MYOF: variants seen among roughly 807,000 people sequenced by gnomAD.
The protein encoded by MYOF is fer-1-like 3, myoferlin.
Under a neutral mutation model 284.2 loss-of-function variants are expected in MYOF, and 244 were observed. The ratio of observed to expected loss-of-function variants is 0.86; its 90% CI spans 0.77 to 0.95. The LOEUF is 0.95. Among genes scored for constraint, MYOF ranks in the 40% least tolerant of loss-of-function variants. The probability of loss-of-function intolerance (pLI) is 0.00; values close to 1 mark genes in which losing one functional copy is unlikely to be tolerated. For missense variants in MYOF, 2,496 were observed against 2,560.6 expected (o/e 0.97, Z 0.54); for synonymous variants, 904 against 919.7 (o/e 0.98, Z 0.31).
At chr10:93,330,171 C>T (rs1843236713) in intron 43 of MYOF, among the ~76,000 whole-genome samples, 1 of 152,178 alleles carries the variant, frequency 6.6e-6, no homozygotes, top group Non-Finnish European at 1.5e-5. Flanking sequence ...ATAATCCCTC[C>T]CATCAGTGTC....
Position 93,321,586 on chromosome 10 carries a change from G to A in MYOF, c.5456+1492C>T, listed in dbSNP as rs566269990. On this transcript the variant is annotated intron_variant, in intron 48 of 53. Coordinates refer to ENST00000359263, the MANE Select transcript of MYOF (RefSeq NM_013451.4). The stretch of plus-strand genomic sequence containing the variant: ...CTATTAACTTTTAAGGTAACTCACT[G>A]AGGAGAGTTCACATTCTCTTGGCCA... Among the ~76,000 whole-genome samples the A allele has an allele frequency of 2.0e-5, 3 of 151,970 alleles. No homozygotes were observed. The South Asian group carries it at 6.2e-4, about 32-fold the overall frequency.
chr10:93,407,565 C>T (rs917273412), intron 7 of MYOF, among the ~76,000 whole-genome samples: 3 of 146,010 alleles, frequency 2.1e-5, no homozygotes, highest in African/African-American at 7.5e-5. Context: ...CCCGTCTCTA[C>T]TAAAAATACA....
chr10:93,411,861 C>T (rs561317610), intron 5 of MYOF, among the ~76,000 whole-genome samples: 3 of 152,284 alleles, frequency 2.0e-5, no homozygotes, highest in African/African-American at 7.2e-5. Flanking sequence ...GACACCAGTG[C>T]TCATATACAT....
At chr10:93,407,735 C>T (rs1477237385) in intron 7 of MYOF, among the ~76,000 whole-genome samples, 2 of 36,912 alleles carry the variant, frequency 5.4e-5, no homozygotes, top group East Asian at 1.0e-3. Context: ...CAGACTCTGT[C>T]TCAAAAAAAA....
In MYOF at chr10:93,401,409, A is replaced by G; in HGVS notation, c.1117+9T>C. ...AACAATTCTGGGGCAAGATTAAATC[A>G]GTACATACTCTGGGGGATGTCCTCA... On this transcript the variant is annotated intron_variant, in intron 12 of 53. Coordinates refer to ENST00000359263, the MANE Select transcript of MYOF (RefSeq NM_013451.4). 1 of 1,612,842 alleles carries G rather than the reference A, an allele frequency of 6.2e-7. No homozygotes were observed. The highest frequency in any genetic ancestry group is 1.1e-5 in the South Asian group (1 of 90,582).
At chr10:93,405,893 C>G (rs556678273) in intron 7 of MYOF, among the ~76,000 whole-genome samples, 35 of 144,736 alleles carry the variant, frequency 2.4e-4, no homozygotes, top group African/African-American at 8.6e-4. Flanking sequence ...CGCCTCCAGG[C>G]TTTAAGCAAT....
intron 3 of MYOF, among the ~76,000 whole-genome samples, chr10:93,433,530 A>G (rs1348655297): frequency 6.6e-6 from 1 of 152,250 alleles, no homozygotes; most frequent in Non-Finnish European, 1.5e-5. Context: ...ACTAGCAGAT[A>G]ACATAGAAAA....
intron 39 of MYOF, among the ~76,000 whole-genome samples, chr10:93,339,734 G>T (rs1183326527): frequency 1.3e-5 from 2 of 152,168 alleles, no homozygotes; most frequent in East Asian, 3.9e-4. Flanking sequence ...CTCCCAAAGT[G>T]CTGGGATTAT....
chr10:93,361,994 G>C (rs1222331699), intron 27 of MYOF, among the ~76,000 whole-genome samples: 3 of 152,148 alleles, frequency 2.0e-5, no homozygotes, highest in Non-Finnish European at 4.4e-5. Flanking sequence ...TGTTGCCCAG[G>C]CTGGAGTGCA....
intron 52 of MYOF, 73 bp downstream of exon 52, chr10:93,310,461 A>G: frequency 6.8e-7 from 1 of 1,464,934 alleles, no homozygotes; most frequent in Non-Finnish European, 9.5e-7. Context: ...AATCCATCCC[A>G]TTAAGCCAAT....
chr10:93,360,090 TC>T, intron 28 of MYOF, 112 bp from the exon 29 acceptor site: 1 of 1,295,528 alleles, frequency 7.7e-7, no homozygotes, highest in South Asian at 1.3e-5. Context: ...TTCTGTACTA[TC>T]ATGACCGAAT....
chr10:93,337,845 CT>C lies in MYOF; in HGVS notation c.4406del (p.Gln1469ArgfsTer17), dbSNP rs1843688790. ...ASSGEHEKCG[Q>X]YIQKGYSKLK... The stretch of plus-strand genomic sequence containing the variant: ...GCTTGGAATAGCCTTTCTGAATATA[CT>C]GTCCGCATTTTTCATGTTCCCCTGA... On this transcript the variant is annotated frameshift_variant, in exon 40 of 54. Coordinates refer to ENST00000359263, the MANE Select transcript of MYOF (RefSeq NM_013451.4). LOFTEE classifies it high-confidence loss of function. 1.2e-6 allele frequency: 2 copies of C among 1,613,990 alleles called. No individual in the cohort carries two copies.
chr10:93,356,014 A>AT (rs1844787223), intron 30 of MYOF, among the ~76,000 whole-genome samples: 1 of 152,166 alleles, frequency 6.6e-6, no homozygotes, highest in Non-Finnish European at 1.5e-5. Context: ...AGGGAAAAAA[A>AT]GGAAAAATGT....
chr10:93,479,138 C>G (rs1318835484), intron 1 of MYOF, among the ~76,000 whole-genome samples: 2 of 150,878 alleles, frequency 1.3e-5, no homozygotes, highest in African/African-American at 4.9e-5. Context: ...TCTGGTATGG[C>G]TTTTTCCTTT....
chr10:93,381,109 T>TA (rs1271165716), intron 20 of MYOF, 110 bp downstream of exon 20: 1 of 1,211,978 alleles, frequency 8.3e-7, no homozygotes, highest in Non-Finnish European at 1.2e-6. Flanking sequence ...TCCTTTCCAC[T>TA]AACCATAGGC....
intron 1 of MYOF, among the ~76,000 whole-genome samples, chr10:93,469,667 C>T (rs1173614490): frequency 6.6e-6 from 1 of 152,122 alleles, no homozygotes; most frequent in East Asian, 1.9e-4. Context: ...GCAGCAGAGC[C>T]CAGATTGCCA....
Position 93,423,831 on chromosome 10 carries a change from TA to T in MYOF, c.433+2239del, listed in dbSNP as rs1297927506. On this transcript the variant is annotated intron_variant, in intron 5 of 53. Transcript: ENST00000359263. Reference sequence around the variant, plus strand: ...CTGGGCGACAGAGCCAGACTCTGTCTAAAAAAAAAAAAAACAAACCAAAAAA... The same window carrying T: ...CTGGGCGACAGAGCCAGACTCTGTCTAAAAAAAAAAAAACAAACCAAAAAA... Among the ~76,000 whole-genome samples, 503 of 122,150 alleles carry T rather than the reference TA, an allele frequency of 4.1e-3. 4 individuals carry two copies. Among genetic ancestry groups the T allele is most frequent in the African/African-American group, 0.01 (341 of 33,220 alleles). The allele number at this position is 122,150 out of a possible 152,430, so 80.1% of individuals were successfully genotyped here. A position where few individuals can be genotyped will look rare whatever the true frequency, so the allele number is the denominator to read the frequency against.
chr10:93,341,069 G>A (rs1843884121), intron 38 of MYOF, among the ~76,000 whole-genome samples: 1 of 152,154 alleles, frequency 6.6e-6, no homozygotes, highest in South Asian at 2.1e-4. Flanking sequence ...GAGGCAGAGG[G>A]ACAGATAGAT....
rs148951506 is a variant in MYOF, at chr10:93,330,388, G to A, written c.4812-554C>T. Reference sequence around the variant, plus strand: ...AGCCCCCTACCTGTGCCCCTCCTAGGTTCCCTCCTCTGCCTCAATAGAGAC... The same window carrying A: ...AGCCCCCTACCTGTGCCCCTCCTAGATTCCCTCCTCTGCCTCAATAGAGAC... On this transcript the variant is annotated intron_variant, in intron 43 of 53. Coordinates refer to ENST00000359263, the MANE Select transcript of MYOF (RefSeq NM_013451.4). 2.0e-5 allele frequency among the ~76,000 whole-genome samples: 3 copies of A among 152,024 alleles called. No homozygotes were observed. The East Asian group carries it at 5.8e-4, about 29-fold the overall frequency.
Sources: gnomAD v4.1 joint callset for allele counts (sites outside exome capture counted in the v4.1 genomes callset) on GRCh38, gnomAD v4.1.1 for gene constraint, MANE v1.5 for transcripts, NCBI Gene and HGNC (gene_info 2026-07-23, HGNC 2026-07-21) for gene names.